ELMO1: variants seen among roughly 807,000 people sequenced by gnomAD.
The protein encoded by ELMO1 is engulfment and cell motility protein 1.
ELMO1 carries 26 observed loss-of-function variants against 98.9 expected under a neutral mutation model. That is an observed-to-expected ratio of 0.26 (90% confidence interval 0.19 to 0.36). The LOEUF is 0.36. Ranked by LOEUF, ELMO1 falls within the 10% of genes least tolerant of loss-of-function variation. ELMO1 has a pLI of 1.00. For synonymous variants in ELMO1, 346 were observed against 346.0 expected (o/e 1.00, Z 0.00); for missense variants, 627 against 935.2 (o/e 0.67, Z 4.30).
At chr7:36,860,225 T>G (rs1005263896) in intron 21 of ELMO1, among the ~76,000 whole-genome samples, 4 of 152,134 alleles carry the variant, frequency 2.6e-5, no homozygotes, top group Non-Finnish European at 5.9e-5. Flanking sequence ...AGTCAAAAGT[T>G]ATGGGCAGAT....
At chr7:37,027,741 C>A (rs945414074) in intron 15 of ELMO1, among the ~76,000 whole-genome samples, 1 of 151,916 alleles carries the variant, frequency 6.6e-6, no homozygotes, top group African/African-American at 2.4e-5. Flanking sequence ...GCGCTCTTAG[C>A]ACATGAACAC....
At chr7:37,123,099 C>G (rs1245880743) in intron 14 of ELMO1, among the ~76,000 whole-genome samples, 1 of 151,746 alleles carries the variant, frequency 6.6e-6, no homozygotes, top group Non-Finnish European at 1.5e-5. Context: ...AGAACAAAGA[C>G]ACAACATACC....
At chr7:37,293,029 G>C (rs374883742) in intron 4 of ELMO1, among the ~76,000 whole-genome samples, 1,541 of 43,000 alleles carry the variant, frequency 0.036, 133 homozygotes, top group South Asian at 0.11. Context: ...CAGCCGCCCC[G>C]TCCGGGAGGG....
At chr7:37,096,562 C>G in intron 15 of ELMO1, 57 bp downstream of exon 15, 1 of 1,489,170 alleles carries the variant, frequency 6.7e-7, no homozygotes, top group Non-Finnish European at 9.4e-7. Flanking sequence ...AGGGGCACAA[C>G]CCTGGAAGCT....
chr7:37,305,405 C>CT (rs1798559536), intron 4 of ELMO1, among the ~76,000 whole-genome samples: 1 of 151,694 alleles, frequency 6.6e-6, no homozygotes, highest in South Asian at 2.1e-4. Flanking sequence ...TCCCTTGTAT[C>CT]TTTTAAGAAT....
chr7:36,874,681 C>A (rs1803797275), intron 19 of ELMO1, among the ~76,000 whole-genome samples: 1 of 152,176 alleles, frequency 6.6e-6, no homozygotes, highest in African/African-American at 2.4e-5. Context: ...TCCTCCCTGC[C>A]CCCTCTGATG....
chr7:37,217,346 C>T (rs771913995), intron 10 of ELMO1, among the ~76,000 whole-genome samples: 1 of 152,076 alleles, frequency 6.6e-6, no homozygotes, highest in African/African-American at 2.4e-5. Flanking sequence ...TGCACAGAGT[C>T]CCTTTATAAA....
In ELMO1 at chr7:37,409,575, G is replaced by C. The variant is rs140483426; in HGVS notation, c.-74+39100C>G. Among the ~76,000 whole-genome samples the C allele has an allele frequency of 2.1e-3, 319 of 152,310 alleles. 1 individual carries two copies. The highest frequency in any genetic ancestry group is 7.4e-3 in the African/African-American group (308 of 41,552). ...GTCACTCATATGGCTGGAAAGTTGA[G>C]GCTAATTGTTAGATGGGAACTCAGC... is the stretch of plus-strand genomic sequence containing the variant. On this transcript the variant is annotated intron_variant, in intron 1 of 21. Coordinates refer to ENST00000310758, the MANE Select transcript of ELMO1 (RefSeq NM_014800.11).
intron 1 of ELMO1, among the ~76,000 whole-genome samples, chr7:37,347,363 G>A (rs958719814): frequency 1.3e-5 from 2 of 152,126 alleles, no homozygotes; most frequent in Admixed American, 6.5e-5. Context: ...AGGATGACTG[G>A]CAGCATACCT....
chr7:36,915,288 C>T (rs1460521371), intron 16 of ELMO1, among the ~76,000 whole-genome samples: 2 of 152,174 alleles, frequency 1.3e-5, no homozygotes, highest in African/African-American at 2.4e-5. Flanking sequence ...AGCTTACATG[C>T]ATTTATTTTT....
chr7:37,315,956 T>C lies in ELMO1; in HGVS notation c.83A>G (p.Lys28Arg). 6.3e-7 allele frequency: 1 copy of C among 1,590,486 alleles called. No individual in the cohort carries two copies. The highest frequency in any genetic ancestry group is 8.5e-7 in the Non-Finnish European group (1 of 1,174,264). ...YPKLMEIDQK[K>R]PLSAIIKEVC... ...TTCCTTTATTATTGCAGACAGTGGTTTTTTCTGCAAAATAACAAAAAAGGA... is the reference window on the plus strand; with the variant it reads ...TTCCTTTATTATTGCAGACAGTGGTCTTTTCTGCAAAATAACAAAAAAGGA... Residue 28 changes from lysine (K) to arginine (R), a missense_variant, in exon 3 of 22, where the codon AAA (lysine) becomes AGA (arginine). By Grantham distance (26) the Lys-to-Arg change is conservative. Coordinates refer to ENST00000310758, the MANE Select transcript of ELMO1 (RefSeq NM_014800.11).
At chr7:37,126,393 C>G (rs995868147) in intron 14 of ELMO1, among the ~76,000 whole-genome samples, 1 of 150,294 alleles carries the variant, frequency 6.7e-6, no homozygotes, top group African/African-American at 2.4e-5. Flanking sequence ...GAAAAGGGGT[C>G]AGGCTTGTTC....
intron 1 of ELMO1, among the ~76,000 whole-genome samples, chr7:37,426,834 T>C (rs1200648290): frequency 6.6e-6 from 1 of 152,076 alleles, no homozygotes; most frequent in Non-Finnish European, 1.5e-5. Context: ...ATCTAGGAAA[T>C]CACAGGTTGG....
At chr7:36,889,024 TGGA>T (rs1805300894) in intron 17 of ELMO1, among the ~76,000 whole-genome samples, 1 of 152,174 alleles carries the variant, frequency 6.6e-6, no homozygotes, top group Admixed American at 6.5e-5. Flanking sequence ...AAACAACTCG[TGGA>T]GGTTACGTGT....
At chr7:37,240,923 T>A (rs1451604774) in intron 7 of ELMO1, among the ~76,000 whole-genome samples, 2 of 152,140 alleles carry the variant, frequency 1.3e-5, no homozygotes, top group Non-Finnish European at 2.9e-5. Context: ...GAAAATAATG[T>A]ATATTTTGCT....
rs531708689 is a variant in ELMO1 at position 37,168,999 on chromosome 7, C to T, written c.1087-35765G>A. 5.9e-5 allele frequency among the ~76,000 whole-genome samples: 9 copies of T among 152,300 alleles called. No homozygotes were observed. The South Asian group carries it at 1.2e-3, about 21-fold the overall frequency. ...GAGCTGTGGTGGGCTCCAACCAGTT[C>T]GAGCTTCCCGGCTGCTTTGTTTACC... On this transcript the variant is annotated intron_variant, in intron 13 of 21. Coordinates refer to ENST00000310758, the MANE Select transcript of ELMO1 (RefSeq NM_014800.11).
chr7:36,942,386 C>T lies in ELMO1; in HGVS notation c.1438-47369G>A, dbSNP rs577054902. Among the ~76,000 whole-genome samples, 3 of 152,308 alleles carry T rather than the reference C, an allele frequency of 2.0e-5. No individual in the cohort carries two copies. In the South Asian group the frequency reaches 6.2e-4, roughly 32 times the overall value. On this transcript the variant is annotated intron_variant, in intron 16 of 21. Coordinates refer to ENST00000310758, the MANE Select transcript of ELMO1 (RefSeq NM_014800.11). ...ATATCTAGAAAAACAAAATGATTTA[C>T]CAGAGCATGTCAACAATGCTTAAAA...
intron 13 of ELMO1, among the ~76,000 whole-genome samples, chr7:37,161,144 G>A (rs187599034): frequency 6.6e-6 from 1 of 152,272 alleles, no homozygotes; most frequent in Admixed American, 6.5e-5. Context: ...CTTTCAGTCT[G>A]GAGTGGCGTC....
intron 1 of ELMO1, among the ~76,000 whole-genome samples, chr7:37,366,184 A>G (rs184891273): frequency 6.6e-6 from 1 of 152,354 alleles, no homozygotes; most frequent in East Asian, 1.9e-4. Context: ...GTATTCTTCT[A>G]CAAGACAAAG....
Sources: gnomAD v4.1 joint callset for allele counts (sites outside exome capture counted in the v4.1 genomes callset) on GRCh38, gnomAD v4.1.1 for gene constraint, MANE v1.5 for transcripts, NCBI Gene and HGNC (gene_info 2026-07-23, HGNC 2026-07-21) for gene names.